ALS2: variants seen among roughly 807,000 people sequenced by gnomAD.
ALS2 encodes the protein alsin.
Under a neutral mutation model 203.4 loss-of-function variants are expected in ALS2, and 117 were observed. The observed-to-expected ratio is 0.58, with a 90% CI of 0.50 to 0.67. The LOEUF (loss-of-function observed/expected upper bound fraction) is 0.67, where lower values mean the gene tolerates loss of function less well. Ranked by LOEUF, ALS2 falls within the 30% of genes least tolerant of loss-of-function variation. ALS2 has a pLI of 0.00. For missense variants in ALS2, 1,715 were observed against 1,989.4 expected (o/e 0.86, Z 2.62); for synonymous variants, 718 against 725.9 (o/e 0.99, Z 0.17).
chr2:201,727,249 T>C lies in ALS2; in HGVS notation c.2942A>G (p.Glu981Gly), dbSNP rs1691239157. 1.9e-6 allele frequency: 3 copies of C among 1,613,412 alleles called. No individual in the cohort carries two copies. The highest frequency in any genetic ancestry group is 2.5e-6 in the Non-Finnish European group (3 of 1,179,700). Residue 981 changes from glutamate to glycine, a missense_variant, in exon 17 of 34, where the codon GAG becomes GGG. Coordinates refer to ENST00000264276, the MANE Select transcript of ALS2 (RefSeq NM_020919.4). ...TGTAGATGAAATGAGAGTGAACTGC[T>C]CCTCAGGTGTAGTTATCTTTAAGCC... ...VNGLKITTPE[E>G]QFTLISSTPQ...
At chr2:201,713,260 C>T (rs1220909455) in intron 25 of ALS2, among the ~76,000 whole-genome samples, 2 of 151,582 alleles carry the variant, frequency 1.3e-5, no homozygotes, top group Non-Finnish European at 2.9e-5. Flanking sequence ...CCTCAGCCTC[C>T]TAAGTAGCTG....
intron 1 of ALS2, among the ~76,000 whole-genome samples, chr2:201,778,220 G>A (rs530246536): frequency 6.1e-4 from 93 of 152,184 alleles, no homozygotes; most frequent in Non-Finnish European, 1.1e-3. Flanking sequence ...TTTAAAATGT[G>A]ATAATTAAGG....
rs769245371 is a variant in ALS2 at position 201,718,002 on chromosome 2, A to G, written c.3836+75T>C. On this transcript the variant is annotated intron_variant, in intron 24 of 33. Transcript: ENST00000264276. ...AAGAACTTGACTTTGCTTTTAAAAT[A>G]TTAACCAGCTTTGATAAAAGCAAGA... The G allele has an allele frequency of 5.2e-5, 77 of 1,492,376 alleles. 1 individual carries two copies. The highest frequency in any genetic ancestry group is 6.7e-5 in the Non-Finnish European group (73 of 1,081,998). The allele number at this position is 1,492,376 out of a possible 1,614,324, so 92.4% of individuals were successfully genotyped here.
chr2:201,733,340 A>G lies in ALS2; in HGVS notation c.2516T>C (p.Leu839Ser). ...LMEILNTLFFLPIRRLHNYAK... is the reference protein window; with the variant it reads ...LMEILNTLFFSPIRRLHNYAK... ...GTAATTATGAAGTCGTCTGATTGGC[A>G]AGAAAAACAAAGTATTCAGTATTTC... Residue 839 changes from leucine (L) to serine (S), a missense_variant, in exon 13 of 34, where the codon TTG (leucine) becomes TCG (serine). By Grantham distance (145) the Leu-to-Ser change is moderately radical. Transcript: ENST00000264276. The G allele has an allele frequency of 6.2e-7, 1 of 1,613,894 alleles. No individual in the cohort carries two copies. Among genetic ancestry groups the G allele is most frequent in the African/African-American group, 1.3e-5 (1 of 75,044 alleles).
chr2:201,728,366 A>G (rs1309477199), intron 15 of ALS2, 146 bp downstream of exon 15: 8 of 1,142,270 alleles, frequency 7.0e-6, no homozygotes, highest in Non-Finnish European at 9.1e-6. Flanking sequence ...TGTCCTTGCT[A>G]TAGTTTGCTG....
chr2:201,705,386 A>G, intron 30 of ALS2, 30 bp downstream of exon 30: 1 of 1,610,052 alleles, frequency 6.2e-7, no homozygotes, highest in South Asian at 1.1e-5. Context: ...AGAAAAGCAT[A>G]TTTGCTGAGG....
At chr2:201,748,208 G>A (rs774565493) in intron 8 of ALS2, among the ~76,000 whole-genome samples, 4 of 152,108 alleles carry the variant, frequency 2.6e-5, no homozygotes, top group Non-Finnish European at 5.9e-5. Context: ...TGTGTGTTGT[G>A]TGTGTGTGTG....
At chr2:201,702,027 C>T in intron 33 of ALS2, 138 bp from the exon 34 acceptor site, 1 of 781,254 alleles carries the variant, frequency 1.3e-6, no homozygotes, top group Non-Finnish European at 2.2e-6. Context: ...ATTGATTTCA[C>T]TTTTCCCTGT....
chr2:201,739,410 A>T (rs545741693), intron 11 of ALS2, among the ~76,000 whole-genome samples: 39 of 152,186 alleles, frequency 2.6e-4, no homozygotes, highest in Admixed American at 7.2e-4. Context: ...TTTTGATGAA[A>T]ATTTTCTGTA....
chr2:201,749,874 T>C (rs1692924706), intron 7 of ALS2, 85 bp from the exon 8 acceptor site: 2 of 976,286 alleles, frequency 2.0e-6, no homozygotes, highest in East Asian at 2.5e-5. Context: ...AATTAACATA[T>C]ATACACAAAT....
chr2:201,701,611 C>CA lies in ALS2; in HGVS notation c.*239dup, dbSNP rs1689392520. ...GATAAATGGTATTTTTGGAACTTAT[C>CA]ATAGGCCAAGAACTGGTCTAATCTG... On this transcript the variant is annotated 3_prime_UTR_variant, in exon 34 of 34. Coordinates refer to ENST00000264276, the MANE Select transcript of ALS2 (RefSeq NM_020919.4). The CA allele has an allele frequency of 2.2e-6, 1 of 460,964 alleles. No homozygotes were observed. Among genetic ancestry groups the CA allele is most frequent in the Non-Finnish European group, 3.9e-6 (1 of 257,148 alleles). 28.6% of individuals were successfully genotyped at this position (460,964 alleles called of 1,614,324 possible).
Position 201,753,207 on chromosome 2 carries a change from T to C in ALS2, c.1676A>G (p.Lys559Arg). ...ACCTGCCTCCAGATGGATTACTTCT[T>C]TGCCATCCAGACATTTTACACACAA... Reference protein sequence around the residue: ...QPLCVKCLDGKEVIHLEAGGY... With the variant: ...QPLCVKCLDGREVIHLEAGGY... Residue 559 changes from lysine to arginine, a missense_variant, in exon 7 of 34, where the codon AAA becomes AGA. Around this residue, in one of 3 missense-constraint regions of ALS2, gnomAD observed 1,227 missense variants for 1,413.5 expected, o/e 0.87. Coordinates refer to ENST00000264276, the MANE Select transcript of ALS2 (RefSeq NM_020919.4). 1 of 1,614,136 alleles carries C rather than the reference T, an allele frequency of 6.2e-7. No homozygotes were observed. The highest frequency in any genetic ancestry group is 8.5e-7 in the Non-Finnish European group (1 of 1,180,002).
intron 27 of ALS2, among the ~76,000 whole-genome samples, chr2:201,708,693 C>CTGG (rs1228225960): frequency 1.3e-5 from 2 of 151,894 alleles, no homozygotes; most frequent in African/African-American, 4.8e-5. Context: ...ATTTTTTTTC[C>CTGG]TGGGCTTTGA....
At chr2:201,719,538 G>A (rs1451977011) in intron 23 of ALS2, among the ~76,000 whole-genome samples, 2 of 152,156 alleles carry the variant, frequency 1.3e-5, no homozygotes, top group East Asian at 1.9e-4. Context: ...GCAGTGAGCT[G>A]ACATCATGCC....
intron 1 of ALS2, among the ~76,000 whole-genome samples, chr2:201,770,139 C>A (rs1694311535): frequency 6.6e-6 from 1 of 152,126 alleles, no homozygotes; most frequent in Non-Finnish European, 1.5e-5. Flanking sequence ...GAAATTCTGC[C>A]ACCAGATCTA....
intron 31 of ALS2, 127 bp from the exon 32 acceptor site, chr2:201,704,730 G>T: frequency 9.2e-7 from 1 of 1,084,496 alleles, no homozygotes; most frequent in Non-Finnish European, 1.4e-6. Flanking sequence ...GGCATTATGA[G>T]TCGTTGGAAA....
intron 3 of ALS2, chr2:201,763,060 C>G (rs1342351914): frequency 6.0e-6 from 1 of 167,832 alleles, no homozygotes; most frequent in Non-Finnish European, 1.3e-5. Context: ...GAAGCAGACG[C>G]GCACTGGCCA....
intron 6 of ALS2, among the ~76,000 whole-genome samples, chr2:201,753,998 CTTTT>C (rs200313644): frequency 6.7e-6 from 1 of 149,656 alleles, no homozygotes; most frequent in Admixed American, 6.7e-5. Context: ...TCTTTTACTG[CTTTT>C]TTTTTCTTTT....
chr2:201,731,483 C>T (rs1331266231), intron 13 of ALS2, among the ~76,000 whole-genome samples: 1 of 152,000 alleles, frequency 6.6e-6, no homozygotes, highest in African/African-American at 2.4e-5. Flanking sequence ...ATAATAATAC[C>T]TACTTCACCG....
Sources: allele counts gnomAD v4.1 joint callset (sites outside exome capture counted in the v4.1 genomes callset), GRCh38; gene constraint gnomAD v4.1.1; regional missense constraint gnomAD v4.1.1; transcripts MANE v1.5; gene names NCBI Gene and HGNC (gene_info 2026-07-23, HGNC 2026-07-21).